INO80D: variants seen among roughly 807,000 people sequenced by gnomAD.
The protein encoded by INO80D is INO80 complex subunit D.
INO80D carries 21 observed loss-of-function variants against 87.6 expected under a neutral mutation model. The observed-to-expected ratio is 0.24, with a 90% CI of 0.17 to 0.35. The LOEUF (loss-of-function observed/expected upper bound fraction) is 0.35, where lower values mean the gene tolerates loss of function less well. INO80D is among the 10% of genes least tolerant of loss of function. INO80D has a pLI of 1.00. For synonymous variants in INO80D, 440 were observed against 491.0 expected (o/e 0.90, Z 1.37); for missense variants, 982 against 1,280.7 (o/e 0.77, Z 3.56).
chr2:206,076,470 T>C (rs2105907901), intron 1 of INO80D, among the ~76,000 whole-genome samples: 1 of 152,310 alleles, frequency 6.6e-6, no homozygotes, highest in African/African-American at 2.4e-5. Flanking sequence ...ATATTACCTA[T>C]GTAAAAAATA....
At chr2:206,068,054 G>A (rs1448901235) in intron 1 of INO80D, among the ~76,000 whole-genome samples, 4 of 152,042 alleles carry the variant, frequency 2.6e-5, no homozygotes, top group Admixed American at 6.6e-5. Flanking sequence ...GTCTTTGCCC[G>A]TACTTCTGTT....
chr2:206,012,384 A>C (rs1025768998), intron 8 of INO80D, among the ~76,000 whole-genome samples: 1 of 152,178 alleles, frequency 6.6e-6, no homozygotes, highest in African/African-American at 2.4e-5. Context: ...ATTCAAAGAA[A>C]GTAGAACATA....
At position 206,063,213 on chromosome 2, in the gene INO80D, G is replaced by GT. The variant is rs1362901922; in HGVS notation, c.-93_-92insA. ...GAACCCCCAAGGATACCACAGTTTG[G>GT]AATGCCGCAGAATCAGGATGAAGCA... On this transcript the variant is annotated 5_prime_UTR_variant, in exon 2 of 11. Coordinates refer to ENST00000403263, the MANE Select transcript of INO80D (RefSeq NM_017759.5). The GT allele has an allele frequency of 1.7e-6, 1 of 576,444 alleles. No individual in the cohort carries two copies. Among genetic ancestry groups the GT allele is most frequent in the African/African-American group, 1.9e-5 (1 of 51,632 alleles). 35.7% of individuals were successfully genotyped at this position (576,444 alleles called of 1,614,324 possible). A position where few individuals can be genotyped will look rare whatever the true frequency, so the allele number is the denominator to read the frequency against.
rs1442513348 is a variant in INO80D, at chr2:205,997,590, A to G, written c.*6778T>C. On this transcript the variant is annotated 3_prime_UTR_variant, in exon 11 of 11. Coordinates refer to ENST00000403263, the MANE Select transcript of INO80D (RefSeq NM_017759.5). ...ATCTGTGGTCCCATCACCACAATAG[A>G]TAAACACAGCTCATGTCTGGGGCTG... The G allele has an allele frequency of 1.3e-5, 2 of 152,160 alleles. No homozygotes were observed. Among genetic ancestry groups the G allele is most frequent in the Non-Finnish European group, 2.9e-5 (2 of 67,994 alleles). The allele number at this position is 152,160 out of a possible 1,614,324, so 9.4% of individuals were successfully genotyped here. A position where few individuals can be genotyped will look rare whatever the true frequency, so the allele number is the denominator to read the frequency against.
chr2:206,080,440 A>G (rs771525861), intron 1 of INO80D, among the ~76,000 whole-genome samples: 2 of 152,206 alleles, frequency 1.3e-5, no homozygotes, highest in Non-Finnish European at 2.9e-5. Flanking sequence ...CAAACAGCAG[A>G]GACTATGCTA....
intron 1 of INO80D, among the ~76,000 whole-genome samples, chr2:206,068,356 T>A (rs559014029): frequency 6.6e-6 from 1 of 152,340 alleles, no homozygotes; most frequent in Admixed American, 6.5e-5. Flanking sequence ...CGCTTTGGCC[T>A]TCCAAAGTGC....
intron 9 of INO80D, among the ~76,000 whole-genome samples, chr2:206,008,214 C>T (rs1688078317): frequency 6.6e-6 from 1 of 151,826 alleles, no homozygotes; most frequent in Non-Finnish European, 1.5e-5. Context: ...GAACTCCTGA[C>T]CTCAGGTGAT....
chr2:206,026,536 G>C (rs1026942684), intron 6 of INO80D, among the ~76,000 whole-genome samples: 4 of 150,136 alleles, frequency 2.7e-5, no homozygotes, highest in East Asian at 2.0e-4. Context: ...ACAGGGCAAG[G>C]CTCCGTCTCA....
chr2:206,010,083 A>ACACACACACACACACACACACACACG (rs142314785), intron 8 of INO80D, among the ~76,000 whole-genome samples: 91 of 151,278 alleles, frequency 6.0e-4, no homozygotes, highest in African/African-American at 2.2e-3. Context: ...ACACACACAC[A>ACACACACACACACACACACACACACG]CACGCACACA....
At chr2:206,069,093 C>T (rs1022906285) in intron 1 of INO80D, among the ~76,000 whole-genome samples, 1 of 151,918 alleles carries the variant, frequency 6.6e-6, no homozygotes. Flanking sequence ...TTTGTATTGC[C>T]TTTAGCCTTT....
chr2:206,009,261 T>C (rs925593559), intron 9 of INO80D, among the ~76,000 whole-genome samples: 1 of 152,184 alleles, frequency 6.6e-6, no homozygotes, highest in Non-Finnish European at 1.5e-5. Flanking sequence ...GGAGCCGAGA[T>C]TGCGCCACTG....
In INO80D at chr2:206,002,023, A is replaced by C. The variant is rs1687914396; in HGVS notation, c.*2345T>G. ...AACTGAAGAATTTCAAGCAGCTAAC[A>C]TGAGGGGACAAGTAGACAGAAAAAG... On this transcript the variant is annotated 3_prime_UTR_variant, in exon 11 of 11. Transcript: ENST00000403263. 6.6e-6 allele frequency: 1 copy of C among 152,222 alleles called. No homozygotes were observed. 9.4% of individuals were successfully genotyped at this position (152,222 alleles called of 1,614,324 possible). A position where few individuals can be genotyped will look rare whatever the true frequency, so the allele number is the denominator to read the frequency against.
chr2:206,047,583 AGGGTG>A (rs1337313727), intron 4 of INO80D, among the ~76,000 whole-genome samples: 2 of 152,130 alleles, frequency 1.3e-5, no homozygotes, highest in Non-Finnish European at 2.9e-5. Context: ...TACAAACAAG[AGGGTG>A]AGAAAAGAAG....
chr2:206,050,978 A>C (rs1221266859), intron 4 of INO80D, among the ~76,000 whole-genome samples: 2 of 152,120 alleles, frequency 1.3e-5, no homozygotes, highest in Non-Finnish European at 1.5e-5. Context: ...CAACAACAAC[A>C]ACAAAAATTT....
intron 5 of INO80D, among the ~76,000 whole-genome samples, chr2:206,029,348 C>A (rs907692726): frequency 1.4e-4 from 21 of 152,200 alleles, no homozygotes; most frequent in African/African-American, 5.1e-4. Flanking sequence ...CTAAGCTCAA[C>A]AAGAAAGAGT....
At chr2:206,027,536 CA>C (rs1363541494) in intron 6 of INO80D, among the ~76,000 whole-genome samples, 1 of 151,516 alleles carries the variant, frequency 6.6e-6, no homozygotes, top group African/African-American at 2.4e-5. Flanking sequence ...CTCACCTCTA[CA>C]AAAAAAAATT....
Position 206,017,830 on chromosome 2 carries a change from T to C in INO80D, c.1409-17A>G. 1 of 1,591,920 alleles carries C rather than the reference T, an allele frequency of 6.3e-7. No individual in the cohort carries two copies. Among genetic ancestry groups the C allele is most frequent in the Non-Finnish European group, 8.5e-7 (1 of 1,174,232 alleles). Reference sequence around the variant, plus strand: ...AGAGGATATCTGGGTTTTTTTAAGTTAGGAGTAAAATACACTGAAACTCTA... The same window carrying C: ...AGAGGATATCTGGGTTTTTTTAAGTCAGGAGTAAAATACACTGAAACTCTA... On this transcript the variant is annotated splice_polypyrimidine_tract_variant and intron_variant, in intron 7 of 10. Coordinates refer to ENST00000403263, the MANE Select transcript of INO80D (RefSeq NM_017759.5).
At position 206,005,075 on chromosome 2, in the gene INO80D, C is replaced by T; in HGVS notation, c.2377G>A (p.Ala793Thr). Residue 793 changes from alanine (A) to threonine (T), a missense_variant, in exon 11 of 11, where the codon GCC becomes ACC. Transcript: ENST00000403263. ...QFHGLHDGSH[A>T]SQRPHPAQLL... Reference sequence around the variant, plus strand: ...TGGGCAGGATGTGGCCTCTGGGAGGCATGGCTGCCGTCATGAAGTCCATGA... The same window carrying T: ...TGGGCAGGATGTGGCCTCTGGGAGGTATGGCTGCCGTCATGAAGTCCATGA... The T allele has an allele frequency of 6.2e-7, 1 of 1,613,972 alleles. No individual in the cohort carries two copies. Among genetic ancestry groups the T allele is most frequent in the Non-Finnish European group, 8.5e-7 (1 of 1,179,886 alleles).
At position 206,001,324 on chromosome 2, in the gene INO80D, A is replaced by G. The variant is rs1028882076; in HGVS notation, c.*3044T>C. 3.3e-5 allele frequency: 5 copies of G among 152,254 alleles called. No individual in the cohort carries two copies. Among genetic ancestry groups the G allele is most frequent in the African/African-American group, 1.2e-4 (5 of 41,464 alleles). The allele number at this position is 152,254 out of a possible 1,614,324, so 9.4% of individuals were successfully genotyped here. ...AGCACAGAATGTATCCATTAACTGC[A>G]GCAACTTTGTAAATTAAATCACAGT... On this transcript the variant is annotated 3_prime_UTR_variant, in exon 11 of 11. Coordinates refer to ENST00000403263, the MANE Select transcript of INO80D (RefSeq NM_017759.5).
Sources: allele counts gnomAD v4.1 joint callset (sites outside exome capture counted in the v4.1 genomes callset), GRCh38; gene constraint gnomAD v4.1.1; transcripts MANE v1.5; gene names NCBI Gene and HGNC (gene_info 2026-07-23, HGNC 2026-07-21).